The following SGCZ variants were observed in gnomAD, a reference collection of about 807,000 sequenced individuals.
SGCZ encodes sarcoglycan zeta.
Under a neutral mutation model 41.3 loss-of-function variants are expected in SGCZ, and 40 were observed. The ratio of observed to expected loss-of-function variants is 0.97; its 90% CI spans 0.75 to 1.26. SGCZ has a LOEUF of 1.26. Ranked by LOEUF, SGCZ falls within the 50% of genes most tolerant of loss-of-function variation. The pLI is 0.00. For synonymous variants in SGCZ, 206 were observed against 137.5 expected (o/e 1.50, Z -3.49); for missense variants, 552 against 369.8 (o/e 1.49, Z -4.04).
intron 1 of SGCZ, among the ~76,000 whole-genome samples, chr8:14,705,229 G>A (rs1054517235): frequency 6.6e-6 from 1 of 151,824 alleles, no homozygotes; most frequent in African/African-American, 2.4e-5. Context: ...TGTAACCTTG[G>A]TGGGGAACAT....
intron 1 of SGCZ, among the ~76,000 whole-genome samples, chr8:14,977,880 TACACACAC>T (rs10562709): frequency 0.029 from 4,266 of 149,610 alleles, 124 homozygotes; most frequent in East Asian, 0.17. Flanking sequence ...AGAACAATTT[TACACACAC>T]ACACACACAC....
intron 2 of SGCZ, among the ~76,000 whole-genome samples, chr8:14,530,506 G>A (rs536493346): frequency 6.6e-6 from 1 of 152,162 alleles, no homozygotes; most frequent in East Asian, 1.9e-4. Flanking sequence ...ATTCTTGAAT[G>A]TCTGGCCATC....
intron 7 of SGCZ, among the ~76,000 whole-genome samples, chr8:14,093,583 T>TG (rs1801753870): frequency 6.6e-6 from 1 of 151,918 alleles, no homozygotes; most frequent in Admixed American, 6.6e-5. Context: ...ATTTAATGAG[T>TG]GGGGGGAGAT....
chr8:14,204,756 A>C (rs1472027161), intron 4 of SGCZ, among the ~76,000 whole-genome samples: 1 of 152,092 alleles, frequency 6.6e-6, no homozygotes, highest in African/African-American at 2.4e-5. Context: ...TTATTTTCCT[A>C]CCCTTGGACC....
chr8:14,738,079 C>A (rs1057465225), intron 1 of SGCZ, among the ~76,000 whole-genome samples: 9 of 152,114 alleles, frequency 5.9e-5, no homozygotes, highest in African/African-American at 2.2e-4. Context: ...AGTCTCCATA[C>A]TGGTGACAGC....
chr8:14,641,347 T>C (rs1460227317), intron 1 of SGCZ, among the ~76,000 whole-genome samples: 1 of 151,764 alleles, frequency 6.6e-6, no homozygotes, highest in African/African-American at 2.4e-5. Context: ...TCAAGCTGCT[T>C]CTCATACAGT....
At chr8:14,761,536 T>TTA (rs1438715143) in intron 1 of SGCZ, among the ~76,000 whole-genome samples, 68 of 124,616 alleles carry the variant, frequency 5.5e-4, no homozygotes, top group Non-Finnish European at 1.4e-4. Context: ...TATTTATTTA[T>TTA]TTATTTTTTT....
intron 1 of SGCZ, among the ~76,000 whole-genome samples, chr8:15,198,623 T>G (rs1335173730): frequency 6.6e-6 from 1 of 152,190 alleles, no homozygotes; most frequent in African/African-American, 2.4e-5. Context: ...AACTGTATGC[T>G]CTAAAACTGT....
intron 1 of SGCZ, among the ~76,000 whole-genome samples, chr8:15,144,926 T>G (rs1798998660): frequency 6.6e-6 from 1 of 152,236 alleles, no homozygotes; most frequent in African/African-American, 2.4e-5. Flanking sequence ...GCTGCTTTTA[T>G]TCTCTTCAGT....
chr8:14,762,558 G>A (rs1181419419), intron 1 of SGCZ, among the ~76,000 whole-genome samples: 2 of 152,148 alleles, frequency 1.3e-5, no homozygotes, highest in Non-Finnish European at 2.9e-5. Context: ...AAATTGCTGA[G>A]AGCTTTGTTA....
intron 2 of SGCZ, among the ~76,000 whole-genome samples, chr8:14,469,666 A>G (rs1302298928): frequency 1.3e-5 from 2 of 152,096 alleles, no homozygotes; most frequent in African/African-American, 4.8e-5. Context: ...GCATGATTAG[A>G]GGGTTAGAAC....
intron 3 of SGCZ, among the ~76,000 whole-genome samples, chr8:14,247,761 G>A (rs960537819): frequency 7.2e-5 from 11 of 152,228 alleles, no homozygotes; most frequent in Non-Finnish European, 1.3e-4. Context: ...CAGCCCCAGG[G>A]TTCCAACCCT....
chr8:14,871,790 G>A (rs898881068), intron 1 of SGCZ, among the ~76,000 whole-genome samples: 2 of 151,660 alleles, frequency 1.3e-5, no homozygotes, highest in Non-Finnish European at 2.9e-5. Context: ...GCAAGAGAGT[G>A]AGACTCTGTC....
intron 1 of SGCZ, among the ~76,000 whole-genome samples, chr8:14,772,576 C>G: frequency 9.1e-6 from 1 of 110,446 alleles, no homozygotes; most frequent in East Asian, 3.3e-4. Context: ...TCTCCCTCCC[C>G]CCTCCCCCCA....
At chr8:14,487,613 G>A (rs200310015) in intron 2 of SGCZ, among the ~76,000 whole-genome samples, 1 of 117,970 alleles carries the variant, frequency 8.5e-6, no homozygotes, top group Non-Finnish European at 1.9e-5. Context: ...TATTACTTGA[G>A]GATGGTTTAA....
intron 1 of SGCZ, among the ~76,000 whole-genome samples, chr8:14,620,751 A>G (rs1174582967): frequency 1.3e-5 from 2 of 152,186 alleles, no homozygotes; most frequent in Non-Finnish European, 2.9e-5. Context: ...ACCATCTCAC[A>G]CCAGTTAGAA....
intron 2 of SGCZ, among the ~76,000 whole-genome samples, chr8:14,518,289 G>T (rs568374001): frequency 6.6e-6 from 1 of 152,060 alleles, no homozygotes; most frequent in Admixed American, 6.6e-5. Context: ...CAAAGAAAAT[G>T]ACATATTCTA....
chr8:14,203,659 G>A (rs1475451702), intron 4 of SGCZ, among the ~76,000 whole-genome samples: 2 of 152,144 alleles, frequency 1.3e-5, no homozygotes, highest in Non-Finnish European at 2.9e-5. Context: ...CACTGGAGGT[G>A]AGCACCACAA....
chr8:14,372,314 C>T (rs1803943199), intron 2 of SGCZ, among the ~76,000 whole-genome samples: 2 of 152,150 alleles, frequency 1.3e-5, no homozygotes, highest in African/African-American at 4.8e-5. Context: ...ACCCAACCAA[C>T]AGTAACTATT....
Sources: gnomAD v4.1 joint callset for allele counts (sites outside exome capture counted in the v4.1 genomes callset) on GRCh38, gnomAD v4.1.1 for gene constraint, MANE v1.5 for transcripts, NCBI Gene and HGNC (gene_info 2026-07-23, HGNC 2026-07-21) for gene names.